Variants in ST18 observed in about 807,000 individuals in gnomAD.
ST18 encodes suppression of tumorigenicity 18 protein.
Under a neutral mutation model 110.0 loss-of-function variants are expected in ST18, and 50 were observed. The observed-to-expected ratio is 0.45, with a 90% CI of 0.36 to 0.58. The LOEUF (loss-of-function observed/expected upper bound fraction) is 0.58, where lower values mean the gene tolerates loss of function less well. Among genes scored for constraint, ST18 ranks in the 20% least tolerant of loss-of-function variants. The pLI, the probability that ST18 is intolerant of heterozygous loss-of-function variation, is 0.00. For synonymous variants in ST18, 461 were observed against 452.4 expected, an observed-to-expected ratio of 1.02 and a Z score of -0.24; for missense variants, 1,306 against 1,280.1, an observed-to-expected ratio of 1.02 and a Z score of -0.31.
chr8:52,381,976 A>AC lies in ST18; in HGVS notation c.-465+27351_-465+27352insG, dbSNP rs1267730063. On this transcript the variant is annotated intron_variant, in intron 2 of 25. Coordinates refer to ENST00000689386, the MANE Select transcript of ST18 (RefSeq NM_001352837.2). ...GAGCTATATGCTGCATTAAAAAACA[A>AC]AAAAAAACAAAAAAACAAAGTTACA... Among the ~76,000 whole-genome samples, 209 of 151,608 alleles carry AC rather than the reference A, an allele frequency of 1.4e-3. 3 individuals carry two copies. Among genetic ancestry groups the AC allele is most frequent in the African/African-American group, 4.7e-3 (193 of 41,238 alleles).
rs2095912546 is a variant in ST18, at chr8:52,311,662, G to A, written c.-464-81585C>T. 2.6e-5 allele frequency among the ~76,000 whole-genome samples: 4 copies of A among 152,310 alleles called. No homozygotes were observed. In the South Asian group the frequency reaches 8.3e-4, roughly 32 times the overall value. ...AAGGGAAAGCAAGCATGTCTTATATGGTGGCAGGAGAGAGAGAGTGTGAGC... is the reference window on the plus strand; with the variant it reads ...AAGGGAAAGCAAGCATGTCTTATATAGTGGCAGGAGAGAGAGAGTGTGAGC... On this transcript the variant is annotated intron_variant, in intron 2 of 25. Transcript: ENST00000689386.
chr8:52,178,628 A>C lies in ST18; in HGVS notation c.277+1494T>G, dbSNP rs1469831470. On this transcript the variant is annotated intron_variant, in intron 9 of 25. Coordinates refer to ENST00000689386, the MANE Select transcript of ST18 (RefSeq NM_001352837.2). ...TGAGACTCCATCAAAAAAAAAAAAA[A>C]AAAAAAAAAAAAAAACCACCAAAAA... Among the ~76,000 whole-genome samples the C allele has an allele frequency of 4.6e-5, 6 of 129,658 alleles. 2 individuals carry two copies. The highest frequency in any genetic ancestry group is 9.3e-5 in the Non-Finnish European group (6 of 64,718). The allele number at this position is 129,658 out of a possible 152,430, so 85.1% of individuals were successfully genotyped here.
At chr8:52,237,722 C>A (rs2092873039) in intron 2 of ST18, among the ~76,000 whole-genome samples, 1 of 152,152 alleles carries the variant, frequency 6.6e-6, no homozygotes, top group Non-Finnish European at 1.5e-5. Context: ...TGCAATGGGA[C>A]AATAATGTAG....
rs527258139 is a variant in ST18 at position 52,319,750 on chromosome 8, A to G, written c.-465+89578T>C. On this transcript the variant is annotated intron_variant, in intron 2 of 25. Transcript: ENST00000689386. ...CTTGTTTGCTTCTGGTCAGATGTGA[A>G]CTGGGGCAACCTCATCTGAAGGTTC... 4.6e-4 allele frequency among the ~76,000 whole-genome samples: 70 copies of G among 152,228 alleles called. 1 individual carries two copies. In the South Asian group the frequency reaches 0.014, roughly 31 times the overall value.
In ST18 at chr8:52,180,128, T is replaced by C. The variant is rs1479382908; in HGVS notation, c.271A>G (p.Thr91Ala). The part of the protein sequence containing the change: ...DGPLETHGHS[T>A]AEEIMIKPMD... ...GGGCTCTCCTCCTTGCTACCTGCGG[T>C]AGAGTGACCATGTGTTTCCAAGGGG... Residue 91 changes from threonine (T) to alanine (A), a missense_variant, in exon 9 of 26, where the codon ACC becomes GCC. Physicochemically the swap from Thr to Ala is moderately conservative, Grantham distance 58 (BLOSUM62 0). Coordinates refer to ENST00000689386, the MANE Select transcript of ST18 (RefSeq NM_001352837.2). The C allele has an allele frequency of 1.2e-6, 2 of 1,613,974 alleles. No homozygotes were observed. Among genetic ancestry groups the C allele is most frequent in the Admixed American group, 1.7e-5 (1 of 59,992 alleles).
intron 2 of ST18, among the ~76,000 whole-genome samples, chr8:52,261,654 T>C (rs1052634033): frequency 6.6e-6 from 1 of 152,082 alleles, no homozygotes; most frequent in African/African-American, 2.4e-5. Context: ...GGCCCTGAGG[T>C]TCAAACAAAT....
rs1229833954 is a variant in ST18 at position 52,262,115 on chromosome 8, G to A, written c.-464-32038C>T. 2.6e-5 allele frequency among the ~76,000 whole-genome samples: 4 copies of A among 152,152 alleles called. No individual in the cohort carries two copies. The East Asian group carries it at 7.7e-4, about 29-fold the overall frequency. On this transcript the variant is annotated intron_variant, in intron 2 of 25. Coordinates refer to ENST00000689386, the MANE Select transcript of ST18 (RefSeq NM_001352837.2). Reference sequence around the variant, plus strand: ...CAAAACATGATGAAAGGATGCAAGGGGAAGAGCATGTGTGCAAAAGAGAGA... The same window carrying A: ...CAAAACATGATGAAAGGATGCAAGGAGAAGAGCATGTGTGCAAAAGAGAGA...
chr8:52,283,586 A>C (rs2095421666), intron 2 of ST18, among the ~76,000 whole-genome samples: 1 of 152,164 alleles, frequency 6.6e-6, no homozygotes, highest in Non-Finnish European at 1.5e-5. Flanking sequence ...GGGAAAGGAG[A>C]GTCACCATGT....
chr8:52,329,866 TATCACTACCTCCCCTTCTCTG>T, intron 2 of ST18, among the ~76,000 whole-genome samples: 1 of 152,184 alleles, frequency 6.6e-6, no homozygotes, highest in African/African-American at 2.4e-5. Context: ...GGTTGCAAAA[TATCACTACCTCCCCTTCTCTG>T]TATCCAAAAG....
chr8:52,185,331 C>T (rs550379870), intron 8 of ST18, among the ~76,000 whole-genome samples: 1 of 152,266 alleles, frequency 6.6e-6, no homozygotes, highest in South Asian at 2.1e-4. Context: ...CTCAGTATAG[C>T]AATTTCAACT....
intron 11 of ST18, among the ~76,000 whole-genome samples, chr8:52,166,231 C>T (rs947606870): frequency 3.9e-5 from 6 of 152,188 alleles, no homozygotes; most frequent in Non-Finnish European, 8.8e-5. Context: ...TGGGGCCTTG[C>T]TAACTCTGGA....
intron 15 of ST18, among the ~76,000 whole-genome samples, chr8:52,153,343 C>T (rs971054032): frequency 4.6e-5 from 7 of 152,264 alleles, no homozygotes; most frequent in Non-Finnish European, 8.8e-5. Flanking sequence ...AACTAAGTGT[C>T]CTTCTGATTA....
chr8:52,323,808 C>T (rs1805073689), intron 2 of ST18, among the ~76,000 whole-genome samples: 1 of 152,182 alleles, frequency 6.6e-6, no homozygotes, highest in South Asian at 2.1e-4. Flanking sequence ...TCAGTGCTCG[C>T]TCTTCTCACT....
chr8:52,254,270 C>T (rs1036385933), intron 2 of ST18: 3 of 152,108 alleles, frequency 2.0e-5, no homozygotes, highest in African/African-American at 4.8e-5. Flanking sequence ...GTTTCCAAAA[C>T]TTATATTTCT....
At chr8:52,160,819 T>C (rs1036828667) in intron 14 of ST18, among the ~76,000 whole-genome samples, 2 of 152,240 alleles carry the variant, frequency 1.3e-5, no homozygotes, top group Admixed American at 6.5e-5. Flanking sequence ...TCCATATTCA[T>C]GCTTCAGTTT....
At chr8:52,161,058 TAATCC>T (rs1011137168) in intron 14 of ST18, among the ~76,000 whole-genome samples, 3 of 152,236 alleles carry the variant, frequency 2.0e-5, no homozygotes, top group African/African-American at 7.2e-5. Flanking sequence ...TTCAATATAG[TAATCC>T]AAGCTCCAGC....
Position 52,171,828 on chromosome 8 carries a change from T to C in ST18, c.1033A>G (p.Ile345Val). The change falls in exon 10 of 26, where the codon ATC becomes GTC. Residue 345 changes from isoleucine (I) to valine (V), a missense_variant. Physicochemically the swap from Ile to Val is conservative, Grantham distance 29. Coordinates refer to ENST00000689386, the MANE Select transcript of ST18 (RefSeq NM_001352837.2). ...AAGATTTGTCTTCCACCCATGTCGA[T>C]AACTTTGGTTTGCCTCCTTTCCCCT... ...LAGERRQTKV[I>V]DMGGRQIFNN... 1 of 1,614,006 alleles carries C rather than the reference T, an allele frequency of 6.2e-7. No individual in the cohort carries two copies. Among genetic ancestry groups the C allele is most frequent in the South Asian group, 1.1e-5 (1 of 91,062 alleles).
At chr8:52,234,299 CTG>C (rs556048065) in intron 2 of ST18, among the ~76,000 whole-genome samples, 109 of 152,236 alleles carry the variant, frequency 7.2e-4, no homozygotes, top group African/African-American at 2.6e-3. Flanking sequence ...GAGTCTCACT[CTG>C]TCACCCAGGC....
intron 2 of ST18, among the ~76,000 whole-genome samples, chr8:52,295,978 T>C (rs1356459948): frequency 1.3e-5 from 2 of 151,674 alleles, no homozygotes; most frequent in Non-Finnish European, 2.9e-5. Context: ...AGCCAGATAA[T>C]CTACCACAAT....
Sources: allele counts gnomAD v4.1 joint callset (sites outside exome capture counted in the v4.1 genomes callset), GRCh38; gene constraint gnomAD v4.1.1; transcripts MANE v1.5; gene names NCBI Gene and HGNC (gene_info 2026-07-23, HGNC 2026-07-21).